The following SYNE1 variants were observed in gnomAD, a reference collection of about 807,000 sequenced individuals.
The protein encoded by SYNE1 is nesprin-1.
In SYNE1, 616 loss-of-function variants were observed where a neutral mutation model predicts 1,111.0. That is an observed-to-expected ratio of 0.55 (90% CI 0.52 to 0.59). The LOEUF (loss-of-function observed/expected upper bound fraction) is 0.59, where lower values mean the gene tolerates loss of function less well. Among genes scored for constraint, SYNE1 ranks in the 20% least tolerant of loss-of-function variants. SYNE1 has a pLI of 0.00. For missense variants in SYNE1, 10,006 were observed against 10,417.0 expected, an observed-to-expected ratio of 0.96 and a Z score of 1.72; for synonymous variants, 3,855 against 3,825.8, an observed-to-expected ratio of 1.01 and a Z score of -0.28.
At chr6:152,493,399 C>T (rs188184734) in intron 11 of SYNE1, among the ~76,000 whole-genome samples, 3 of 152,174 alleles carry the variant, frequency 2.0e-5, no homozygotes, top group Non-Finnish European at 2.9e-5. Context: ...TCATCCCAGC[C>T]TCTCTTCGCT....
intron 81 of SYNE1, among the ~76,000 whole-genome samples, chr6:152,324,864 G>T (rs1344060226): frequency 6.6e-6 from 1 of 152,206 alleles, no homozygotes; most frequent in Non-Finnish European, 1.5e-5. Context: ...TAATTGCTTG[G>T]TTTTTCTCAT....
At chr6:152,481,322 T>C (rs777475261) in intron 14 of SYNE1, 37 of 276,090 alleles carry the variant, frequency 1.3e-4, no homozygotes, top group Non-Finnish European at 2.1e-4. Flanking sequence ...AACCTGCACA[T>C]AGTAGGAATA....
In SYNE1 at chr6:152,233,734, A is replaced by G. The variant is rs571903755; in HGVS notation, c.20712+47T>C. On this transcript the variant is annotated intron_variant, in intron 112 of 145. Transcript: ENST00000367255. Reference sequence around the variant, plus strand: ...GCAAATTAATGTATTTCTCCATGTCAAATAGCTTAAGTCAGCTATTTCCCA... The same window carrying G: ...GCAAATTAATGTATTTCTCCATGTCGAATAGCTTAAGTCAGCTATTTCCCA... The G allele has an allele frequency of 5.6e-6, 9 of 1,611,006 alleles. No homozygotes were observed. In the Admixed American group the frequency reaches 1.2e-4, roughly 21 times the overall value.
At chr6:152,470,170 T>C (rs2098797442) in intron 16 of SYNE1, among the ~76,000 whole-genome samples, 1 of 152,214 alleles carries the variant, frequency 6.6e-6, no homozygotes, top group African/African-American at 2.4e-5. Flanking sequence ...CAGGGAGTAC[T>C]AACGTTTTTA....
chr6:152,520,067 A>G (rs1005976515), intron 6 of SYNE1, among the ~76,000 whole-genome samples: 1 of 152,220 alleles, frequency 6.6e-6, no homozygotes, highest in Non-Finnish European at 1.5e-5. Flanking sequence ...AAGACCTGTC[A>G]TAGAATGGAA....
chr6:152,306,156 GT>G, intron 91 of SYNE1, among the ~76,000 whole-genome samples: 1 of 151,870 alleles, frequency 6.6e-6, no homozygotes, highest in Admixed American at 6.6e-5. Context: ...TCTAAGTTCA[GT>G]TTTTTTGTCA....
intron 79 of SYNE1, 44 bp from the exon 80 acceptor site, chr6:152,326,146 G>C (rs532100215): frequency 1.3e-5 from 21 of 1,613,954 alleles, no homozygotes; most frequent in Non-Finnish European, 1.7e-5. Flanking sequence ...ACGAAATCAC[G>C]TATTTCTACA....
In SYNE1 at chr6:152,145,837, C is replaced by T. The variant is rs570862953; in HGVS notation, c.24977-2072G>A. ...GTCAGGAATTCGAGACCAGCCTGGC[C>T]GACATGGTGGAACCCCATCTCTACT... On this transcript the variant is annotated intron_variant, in intron 137 of 145. Transcript: ENST00000367255. 451 of 383,552 alleles carry T rather than the reference C, an allele frequency of 1.2e-3. 2 individuals carry two copies. Among genetic ancestry groups the T allele is most frequent in the African/African-American group, 9.0e-3 (429 of 47,706 alleles). The allele number at this position is 383,552 out of a possible 1,614,324, so 23.8% of individuals were successfully genotyped here.
chr6:152,635,923 G>A (rs2129045168), intron 2 of SYNE1, among the ~76,000 whole-genome samples: 1 of 152,270 alleles, frequency 6.6e-6, no homozygotes, highest in South Asian at 2.1e-4. Flanking sequence ...CACCCAGCCT[G>A]CCTTCCCAAG....
intron 115 of SYNE1, among the ~76,000 whole-genome samples, chr6:152,228,977 CT>C (rs2082171888): frequency 6.6e-6 from 1 of 152,046 alleles, no homozygotes; most frequent in African/African-American, 2.4e-5. Context: ...CGATGTTTTT[CT>C]TTATCAATTT....
intron 128 of SYNE1, among the ~76,000 whole-genome samples, chr6:152,183,493 C>G (rs905883804): frequency 1.3e-5 from 2 of 151,944 alleles, no homozygotes; most frequent in Non-Finnish European, 2.9e-5. Flanking sequence ...CTCAGCTACT[C>G]GGGAGGCTGA....
intron 3 of SYNE1, among the ~76,000 whole-genome samples, chr6:152,590,692 G>A (rs1473139639): frequency 6.6e-6 from 1 of 152,118 alleles, no homozygotes; most frequent in East Asian, 1.9e-4. Flanking sequence ...GTTATAGGAT[G>A]TGTCCCAATT....
rs752548254 is a variant in SYNE1 at position 152,441,116 on chromosome 6, G to A, written c.4149+14C>T. On this transcript the variant is annotated intron_variant, in intron 32 of 145. Transcript: ENST00000367255. ...TTTTTTCTGAATATTGGGTACCAAG[G>A]AGCCATAATATACCTTTGTTTGTTC... The A allele has an allele frequency of 3.7e-6, 6 of 1,612,848 alleles. No individual in the cohort carries two copies. In the Admixed American group the frequency reaches 8.3e-5, roughly 22 times the overall value.
chr6:152,557,019 T>C (rs771216357), intron 3 of SYNE1, among the ~76,000 whole-genome samples: 25 of 151,924 alleles, frequency 1.6e-4, no homozygotes, highest in Non-Finnish European at 3.4e-4. Flanking sequence ...ACAAAGAAGC[T>C]AAGTGAGCTA....
chr6:152,411,198 T>C (rs2098031370), intron 42 of SYNE1, among the ~76,000 whole-genome samples: 1 of 152,356 alleles, frequency 6.6e-6, no homozygotes, highest in East Asian at 1.9e-4. Context: ...ACTTTCTTTA[T>C]ATCTTTGTCA....
Position 152,528,293 on chromosome 6 carries a change from GCTGA to G in SYNE1, c.130-2122_130-2119del, listed in dbSNP as rs544099803. On this transcript the variant is annotated intron_variant, in intron 4 of 145. Coordinates refer to ENST00000367255, the MANE Select transcript of SYNE1 (RefSeq NM_182961.4). ...CTTCATATCTATTGCTGGCTTGCTG[GCTGA>G]CTGACTGACTGAATGAATGAATGAA... Among the ~76,000 whole-genome samples, 223 of 151,996 alleles carry G rather than the reference GCTGA, an allele frequency of 1.5e-3. 1 individual carries two copies. The highest frequency in any genetic ancestry group is 4.9e-3 in the African/African-American group (201 of 41,410).
At chr6:152,599,115 T>C (rs1048245379) in intron 3 of SYNE1, among the ~76,000 whole-genome samples, 5 of 152,174 alleles carry the variant, frequency 3.3e-5, no homozygotes, top group Non-Finnish European at 5.9e-5. Context: ...ATACTACAAA[T>C]TCACAGGAGA....
chr6:152,334,062 T>C lies in SYNE1; in HGVS notation c.12740A>G (p.Asn4247Ser). Residue 4247 changes from asparagine to serine, a missense_variant, in exon 77 of 146, where the codon AAT becomes AGT. Asn to Ser is a conservative substitution (Grantham distance 46). Around this residue, in one of 7 missense-constraint regions of SYNE1, gnomAD observed 4,955 missense variants for 5,017.2 expected, o/e 0.99. Coordinates refer to ENST00000367255, the MANE Select transcript of SYNE1 (RefSeq NM_182961.4). ...QRTRDYHDCM[N>S]VVEVFLEKFT... ...TTTTTCTAGGAACACTTCAACAACA[T>C]TCATACAGTCATGGTAATCTCTTGT... 6.2e-7 allele frequency: 1 copy of C among 1,614,208 alleles called. No individual in the cohort carries two copies. Among genetic ancestry groups the C allele is most frequent in the Admixed American group, 1.7e-5 (1 of 60,024 alleles).
Position 152,510,280 on chromosome 6 carries a change from C to G in SYNE1, c.494G>C (p.Ser165Thr), listed in dbSNP as rs1326808519. Reference protein sequence around the residue: ...VDSIVSSETPSPPSKRKVTTK... With the variant: ...VDSIVSSETPTPPSKRKVTTK... The stretch of plus-strand genomic sequence containing the variant: ...GGTCACCTTCCGTTTACTTGGTGGG[C>G]TGGGAGTCTCAGAGCTAACTATGCT... The change falls in exon 8 of 146, where the codon AGC becomes ACC. Residue 165 changes from serine (S) to threonine (T), a missense_variant. Around this residue, in one of 7 missense-constraint regions of SYNE1, gnomAD observed 1,971 missense variants for 2,084.1 expected, o/e 0.95. Coordinates refer to ENST00000367255, the MANE Select transcript of SYNE1 (RefSeq NM_182961.4). 1.9e-6 allele frequency: 3 copies of G among 1,613,898 alleles called. No individual in the cohort carries two copies. The highest frequency in any genetic ancestry group is 2.5e-6 in the Non-Finnish European group (3 of 1,179,982).
Sources: allele counts gnomAD v4.1 joint callset (sites outside exome capture counted in the v4.1 genomes callset), GRCh38; gene constraint gnomAD v4.1.1; regional missense constraint gnomAD v4.1.1; transcripts MANE v1.5; gene names NCBI Gene and HGNC (gene_info 2026-07-23, HGNC 2026-07-21).